The following NPTN variants were observed in gnomAD, a reference collection of about 807,000 sequenced individuals.
NPTN encodes neuroplastin.
NPTN carries 5 observed loss-of-function variants against 42.7 expected under a neutral mutation model. That is an observed-to-expected ratio of 0.12 (90% confidence interval 0.06 to 0.25). The LOEUF is 0.25. NPTN is among the 10% of genes least tolerant of loss of function. The pLI, the probability that NPTN is intolerant of heterozygous loss-of-function variation, is 1.00. For missense variants in NPTN, 307 were observed against 525.4 expected, an observed-to-expected ratio of 0.58 and a Z score of 4.06; for synonymous variants, 180 against 201.9, an observed-to-expected ratio of 0.89 and a Z score of 0.92.
At chr15:73,561,841 G>A (rs976580162) in intron 8 of NPTN, 55 bp downstream of exon 8, 39 of 1,260,248 alleles carry the variant, frequency 3.1e-5, no homozygotes, top group Non-Finnish European at 4.4e-5. Context: ...AAGGTCAATA[G>A]AGGCACATTC....
rs1166254687 is a variant in NPTN, at chr15:73,633,300, CGAGTGCGCGAGG to C, written c.-97_-86del. On this transcript the variant is annotated 5_prime_UTR_variant, in exon 1 of 9. Transcript: ENST00000345330. The stretch of plus-strand genomic sequence containing the variant: ...GGAGGGGAGGGAGGGAGGGGGCGGG[CGAGTGCGCGAGG>C]GAGTGAGCGAGGGAGGCAGCCGCGG... 6 of 972,226 alleles carry C rather than the reference CGAGTGCGCGAGG, an allele frequency of 6.2e-6. No individual in the cohort carries two copies. Among genetic ancestry groups the C allele is most frequent in the Non-Finnish European group, 7.2e-6 (5 of 689,770 alleles). The allele number at this position is 972,226 out of a possible 1,614,324, so 60.2% of individuals were successfully genotyped here.
At chr15:73,578,361 A>C (rs899236154) in intron 4 of NPTN, among the ~76,000 whole-genome samples, 1 of 152,118 alleles carries the variant, frequency 6.6e-6, no homozygotes, top group African/African-American at 2.4e-5. Context: ...CAGGCAAGGG[A>C]GAGGCTGGTT....
intron 3 of NPTN, among the ~76,000 whole-genome samples, chr15:73,588,094 G>T (rs1446358518): frequency 1.3e-5 from 2 of 152,112 alleles, no homozygotes; most frequent in Non-Finnish European, 2.9e-5. Flanking sequence ...ACAAAAATTA[G>T]CCGGGTGTGG....
intron 4 of NPTN, among the ~76,000 whole-genome samples, chr15:73,578,763 G>A (rs976026897): frequency 5.3e-5 from 8 of 152,130 alleles, no homozygotes; most frequent in Admixed American, 2.0e-4. Context: ...GGAGGCCGAG[G>A]TGGGCGGATC....
At chr15:73,619,291 A>G (rs898085586) in intron 1 of NPTN, among the ~76,000 whole-genome samples, 1 of 152,192 alleles carries the variant, frequency 6.6e-6, no homozygotes, top group Non-Finnish European at 1.5e-5. Flanking sequence ...AGCTGAAAAC[A>G]AGATGTACAG....
At chr15:73,573,587 G>C (rs1895527972) in intron 5 of NPTN, 75 bp downstream of exon 5, 8 of 1,464,160 alleles carry the variant, frequency 5.5e-6, no homozygotes, top group Non-Finnish European at 7.2e-6. Flanking sequence ...AGCTACTACA[G>C]TAACTGACCC....
At chr15:73,625,457 G>A (rs998899480) in intron 1 of NPTN, among the ~76,000 whole-genome samples, 1 of 151,732 alleles carries the variant, frequency 6.6e-6, no homozygotes, top group African/African-American at 2.4e-5. Context: ...CCTCAGCCCC[G>A]AGTAGCTGGG....
chr15:73,592,255 C>T, intron 2 of NPTN, 118 bp from the exon 3 acceptor site: 3 of 754,626 alleles, frequency 4.0e-6, no homozygotes, highest in Non-Finnish European at 6.2e-6. Context: ...CAGACAGGAC[C>T]ACATGAGGAA....
chr15:73,567,952 G>A lies in NPTN; in HGVS notation c.1114+2198C>T, dbSNP rs192399427. 9.8e-5 allele frequency: 97 copies of A among 985,340 alleles called. No homozygotes were observed. In the Admixed American group the frequency reaches 2.9e-3, roughly 29 times the overall value. The allele number at this position is 985,340 out of a possible 1,614,324, so 61.0% of individuals were successfully genotyped here. A position where few individuals can be genotyped will look rare whatever the true frequency, so the allele number is the denominator to read the frequency against. On this transcript the variant is annotated intron_variant, in intron 6 of 8. Transcript: ENST00000345330. ...GGTTTTACTTTGCACTTACCCTGCC[G>A]TCATCTCTTTTAAGGGTAGGATTCA... is the stretch of plus-strand genomic sequence containing the variant.
At chr15:73,576,715 G>C (rs1359525593) in intron 4 of NPTN, among the ~76,000 whole-genome samples, 1 of 152,188 alleles carries the variant, frequency 6.6e-6, no homozygotes. Flanking sequence ...GTAAGTATTT[G>C]AGGGTACAAA....
At chr15:73,609,445 A>G (rs2141448045) in intron 1 of NPTN, among the ~76,000 whole-genome samples, 1 of 152,232 alleles carries the variant, frequency 6.6e-6, no homozygotes, top group East Asian at 1.9e-4. Context: ...CCTGGCCAAC[A>G]TGGTGAAACC....
intron 1 of NPTN, among the ~76,000 whole-genome samples, chr15:73,608,335 T>C (rs538026023): frequency 7.9e-5 from 12 of 152,336 alleles, no homozygotes; most frequent in African/African-American, 2.9e-4. Context: ...GGAACATATA[T>C]AAAAAATAAT....
At chr15:73,580,952 C>T (rs978865251) in intron 4 of NPTN, among the ~76,000 whole-genome samples, 2 of 152,094 alleles carry the variant, frequency 1.3e-5, no homozygotes, top group African/African-American at 4.8e-5. Context: ...AAGAGTAATA[C>T]TCACATGTTT....
intron 4 of NPTN, among the ~76,000 whole-genome samples, chr15:73,575,171 T>C (rs373115880): frequency 2.6e-5 from 4 of 151,998 alleles, no homozygotes; most frequent in Admixed American, 2.6e-4. Context: ...TTAGGAGAGA[T>C]GGGGTTTCAT....
intron 1 of NPTN, among the ~76,000 whole-genome samples, chr15:73,607,348 G>T (rs1465987643): frequency 2.0e-5 from 3 of 152,094 alleles, no homozygotes; most frequent in Admixed American, 2.0e-4. Flanking sequence ...CGTAACTTCT[G>T]ATAACAAGCT....
At chr15:73,593,267 T>C (rs985505251) in intron 2 of NPTN, among the ~76,000 whole-genome samples, 3 of 152,212 alleles carry the variant, frequency 2.0e-5, no homozygotes, top group South Asian at 4.1e-4. Flanking sequence ...AAGACATTTC[T>C]ATGTTTGTTG....
At chr15:73,619,996 G>A (rs1898058064) in intron 1 of NPTN, among the ~76,000 whole-genome samples, 1 of 152,174 alleles carries the variant, frequency 6.6e-6, no homozygotes, top group Non-Finnish European at 1.5e-5. Flanking sequence ...AGAAAACAGA[G>A]GCTAAGAGAG....
intron 4 of NPTN, among the ~76,000 whole-genome samples, chr15:73,583,029 C>T (rs933479379): frequency 3.3e-5 from 5 of 152,182 alleles, no homozygotes; most frequent in African/African-American, 1.2e-4. Context: ...ATATATGTAT[C>T]TCCTGTAAGT....
intron 1 of NPTN, among the ~76,000 whole-genome samples, chr15:73,628,549 A>C (rs1898554292): frequency 2.0e-5 from 3 of 152,136 alleles, no homozygotes; most frequent in African/African-American, 7.2e-5. Flanking sequence ...TACATACTTC[A>C]TTTTAATAGA....
Sources: allele counts gnomAD v4.1 joint callset (sites outside exome capture counted in the v4.1 genomes callset), GRCh38; gene constraint gnomAD v4.1.1; transcripts MANE v1.5; gene names NCBI Gene and HGNC (gene_info 2026-07-23, HGNC 2026-07-21).